The following ALK variants were observed in gnomAD, a reference collection of about 807,000 sequenced individuals.
ALK encodes ALK tyrosine kinase receptor.
In ALK, 74 loss-of-function variants were observed where a neutral mutation model predicts 163.1. That is an observed-to-expected ratio of 0.45 (90% CI 0.38 to 0.55). The LOEUF (loss-of-function observed/expected upper bound fraction) is 0.55, where lower values mean the gene tolerates loss of function less well. ALK is among the 20% of genes least tolerant of loss of function. ALK has a pLI of 0.00. For synonymous variants in ALK, 960 were observed against 843.2 expected (o/e 1.14, Z -2.40); for missense variants, 2,063 against 2,105.3 (o/e 0.98, Z 0.39).
At chr2:29,697,323 G>A (rs775247256) in intron 2 of ALK, among the ~76,000 whole-genome samples, 7 of 152,164 alleles carry the variant, frequency 4.6e-5, no homozygotes, top group Non-Finnish European at 7.3e-5. Context: ...AGTGTTTGGG[G>A]AGGGTCATTG....
At chr2:29,328,570 C>A in intron 5 of ALK, 89 bp from the exon 6 acceptor site, 1 of 1,544,650 alleles carries the variant, frequency 6.5e-7, no homozygotes, top group Non-Finnish European at 8.9e-7. Flanking sequence ...GGGCAGGCTG[C>A]AGGGACAGCA....
At chr2:29,392,640 G>A (rs1423712157) in intron 4 of ALK, among the ~76,000 whole-genome samples, 1 of 152,238 alleles carries the variant, frequency 6.6e-6, no homozygotes, top group Non-Finnish European at 1.5e-5. Context: ...TACCAGGCCA[G>A]AAGGTAGGAG....
At chr2:29,558,736 G>A (rs1466933268) in intron 3 of ALK, among the ~76,000 whole-genome samples, 1 of 151,998 alleles carries the variant, frequency 6.6e-6, no homozygotes, top group African/African-American at 2.4e-5. Flanking sequence ...TATTATGACC[G>A]TATGCCTGTG....
chr2:29,193,289 C>T lies in ALK; in HGVS notation c.4798G>A (p.Gly1600Arg), dbSNP rs369781538. ...ATGGTATCCTCGTAATGACCAGCTC[C>T]AGGGGCAGTAGCGGCTTCTAAGGGC... ...GLPLEAATAP[G>R]AGHYEDTILK... Residue 1600 changes from glycine (G) to arginine (R), a missense_variant, in exon 29 of 29, where the codon GGA becomes AGA. Around this residue, in one of 5 missense-constraint regions of ALK, gnomAD observed 403 missense variants for 366.2 expected, o/e 1.10. Coordinates refer to ENST00000389048, the MANE Select transcript of ALK (RefSeq NM_004304.5). The T allele has an allele frequency of 1.9e-6, 3 of 1,614,170 alleles. No individual in the cohort carries two copies. The highest frequency in any genetic ancestry group is 2.5e-6 in the Non-Finnish European group (3 of 1,180,024).
intron 2 of ALK, 72 bp downstream of exon 2, chr2:29,717,506 A>G: frequency 6.3e-7 from 1 of 1,587,212 alleles, no homozygotes; most frequent in South Asian, 1.1e-5. Context: ...TGAATCCCAA[A>G]CTGAAACTCA....
intron 1 of ALK, among the ~76,000 whole-genome samples, chr2:29,777,124 G>A (rs1018786671): frequency 2.0e-5 from 3 of 152,174 alleles, no homozygotes; most frequent in Non-Finnish European, 4.4e-5. Flanking sequence ...ATGTGCTTAG[G>A]GAGGGCATCA....
intron 4 of ALK, among the ~76,000 whole-genome samples, chr2:29,406,572 G>C (rs1011517197): frequency 5.1e-4 from 78 of 152,244 alleles, no homozygotes; most frequent in African/African-American, 1.8e-3. Flanking sequence ...GCATGGAGCT[G>C]GGAGGGTACC....
At chr2:29,917,944 C>A (rs2148441468) in intron 1 of ALK, among the ~76,000 whole-genome samples, 1 of 152,312 alleles carries the variant, frequency 6.6e-6, no homozygotes, top group East Asian at 1.9e-4. Context: ...GTCCAGCTGC[C>A]AAATGTACTG....
intron 26 of ALK, among the ~76,000 whole-genome samples, chr2:29,200,749 A>T: frequency 1.2e-5 from 1 of 85,028 alleles, no homozygotes; most frequent in Non-Finnish European, 2.2e-5. Flanking sequence ...ACGTATATAT[A>T]TACGTATATA....
intron 5 of ALK, among the ~76,000 whole-genome samples, chr2:29,362,771 C>T (rs1668414868): frequency 6.6e-6 from 1 of 152,148 alleles, no homozygotes; most frequent in South Asian, 2.1e-4. Flanking sequence ...GGTTTAATTG[C>T]CTTCATATTT....
intron 26 of ALK, among the ~76,000 whole-genome samples, chr2:29,202,262 C>G (rs552178785): frequency 1.3e-5 from 2 of 152,168 alleles, no homozygotes; most frequent in African/African-American, 4.8e-5. Context: ...AAGTTACCTC[C>G]GGTAAGGAGC....
chr2:29,598,154 G>A (rs919526801), intron 3 of ALK, among the ~76,000 whole-genome samples: 7 of 152,160 alleles, frequency 4.6e-5, no homozygotes, highest in Non-Finnish European at 7.3e-5. Flanking sequence ...CACCTCCTGC[G>A]TAGCTGGGAT....
At chr2:29,419,897 G>T (rs1669974465) in intron 4 of ALK, among the ~76,000 whole-genome samples, 1 of 151,442 alleles carries the variant, frequency 6.6e-6, no homozygotes, top group African/African-American at 2.5e-5. Flanking sequence ...GGTGGCCCAT[G>T]CCTGCAAACC....
At chr2:29,821,922 T>C (rs557713926) in intron 1 of ALK, among the ~76,000 whole-genome samples, 2 of 152,166 alleles carry the variant, frequency 1.3e-5, no homozygotes, top group South Asian at 2.1e-4. Flanking sequence ...GAGGTGGCTA[T>C]TGCACACATT....
chr2:29,901,998 A>T (rs1004410140), intron 1 of ALK, among the ~76,000 whole-genome samples: 1 of 152,218 alleles, frequency 6.6e-6, no homozygotes. Context: ...ATAATTCAGC[A>T]AGCTTTTCAT....
chr2:29,645,204 C>T (rs1236150227), intron 3 of ALK, among the ~76,000 whole-genome samples: 2 of 152,064 alleles, frequency 1.3e-5, no homozygotes, highest in East Asian at 3.9e-4. Context: ...TGTAAAGGCT[C>T]AGTTTTGGGA....
chr2:29,703,978 G>A (rs747282081), intron 2 of ALK, among the ~76,000 whole-genome samples: 7 of 152,230 alleles, frequency 4.6e-5, no homozygotes, highest in East Asian at 1.9e-4. Flanking sequence ...CTGGTCAGAC[G>A]TACTGAACCA....
chr2:29,616,115 A>C (rs1460587575), intron 3 of ALK, among the ~76,000 whole-genome samples: 3 of 152,244 alleles, frequency 2.0e-5, no homozygotes, highest in East Asian at 3.9e-4. Flanking sequence ...AGTCACAGCC[A>C]GGCATATTAT....
chr2:29,265,048 C>T (rs528687235), intron 11 of ALK, among the ~76,000 whole-genome samples: 2 of 151,982 alleles, frequency 1.3e-5, no homozygotes, highest in African/African-American at 2.4e-5. Context: ...GAGACAGAGT[C>T]TTGCCCTGTC....
Sources: allele counts gnomAD v4.1 joint callset (sites outside exome capture counted in the v4.1 genomes callset), GRCh38; gene constraint gnomAD v4.1.1; regional missense constraint gnomAD v4.1.1; transcripts MANE v1.5; gene names NCBI Gene and HGNC (gene_info 2026-07-23, HGNC 2026-07-21).